JADE1: variants seen among roughly 807,000 people sequenced by gnomAD.
JADE1 encodes protein Jade-1.
JADE1 carries 14 observed loss-of-function variants against 81.8 expected under a neutral mutation model. That is an observed-to-expected ratio of 0.17 (90% CI 0.11 to 0.27). The LOEUF (loss-of-function observed/expected upper bound fraction) is 0.27. Ranked by LOEUF, JADE1 falls within the 10% of genes least tolerant of loss-of-function variation. The pLI, the probability that JADE1 is intolerant of heterozygous loss-of-function variation, is 1.00. For synonymous variants in JADE1, 353 were observed against 391.9 expected (o/e 0.90, Z 1.17); for missense variants, 690 against 1,047.9 (o/e 0.66, Z 4.71).
chr4:128,811,092 G>T (rs929301164), intron 1 of JADE1, among the ~76,000 whole-genome samples: 1 of 152,180 alleles, frequency 6.6e-6, no homozygotes, highest in African/African-American at 2.4e-5. Flanking sequence ...GCTGTTGTTC[G>T]GTAGCCAGCA....
intron 8 of JADE1, among the ~76,000 whole-genome samples, chr4:128,859,450 CGT>C (rs1491442042): frequency 9.9e-5 from 15 of 151,310 alleles, no homozygotes; most frequent in African/African-American, 1.9e-4. Flanking sequence ...TGTGTATGCG[CGT>C]GAGTGCGTGA....
intron 9 of JADE1, chr4:128,863,804 G>C: frequency 5.1e-6 from 5 of 985,516 alleles, no homozygotes; most frequent in Non-Finnish European, 6.0e-6. Context: ...CCCGACACCT[G>C]CTGTAATTGG....
intron 1 of JADE1, among the ~76,000 whole-genome samples, chr4:128,830,520 C>T (rs1728461700): frequency 1.3e-5 from 2 of 152,192 alleles, no homozygotes. Context: ...AGGGGTGAGC[C>T]ACCATGCCCA....
At chr4:128,812,303 A>T (rs1726511437) in intron 1 of JADE1, among the ~76,000 whole-genome samples, 1 of 150,510 alleles carries the variant, frequency 6.6e-6, no homozygotes, top group Admixed American at 6.6e-5. Context: ...CCTCGGGAGG[A>T]GGAGGAGGAG....
At chr4:128,862,953 G>A in intron 9 of JADE1, 1 of 986,352 alleles carries the variant, frequency 1.0e-6, no homozygotes, top group Non-Finnish European at 1.2e-6. Flanking sequence ...TTGTGTGTCT[G>A]TGTGCGGGTA....
chr4:128,810,329 G>A (rs1344536506), intron 1 of JADE1: 1 of 151,886 alleles, frequency 6.6e-6, no homozygotes, highest in Non-Finnish European at 1.5e-5. Flanking sequence ...AAATTTGGGG[G>A]GCTGAAGACT....
Position 128,826,765 on chromosome 4 carries a change from T to C in JADE1, c.-26-4968T>C, listed in dbSNP as rs567694444. Reference sequence around the variant, plus strand: ...GTTCTCCAGAAATTACTGTAATCTTTAGAGACACACACATGAAACATTTAA... The same window carrying C: ...GTTCTCCAGAAATTACTGTAATCTTCAGAGACACACACATGAAACATTTAA... On this transcript the variant is annotated intron_variant, in intron 1 of 10. Transcript: ENST00000226319. 3.9e-5 allele frequency among the ~76,000 whole-genome samples: 6 copies of C among 152,330 alleles called. No individual in the cohort carries two copies. In the East Asian group the frequency reaches 5.8e-4, roughly 15 times the overall value.
chr4:128,840,652 C>A (rs957908521), intron 2 of JADE1, among the ~76,000 whole-genome samples: 3 of 152,188 alleles, frequency 2.0e-5, no homozygotes, highest in African/African-American at 7.2e-5. Flanking sequence ...ACCTTCATCT[C>A]CAGGTTCCTA....
Position 128,831,395 on chromosome 4 carries a change from T to C in JADE1, c.-26-338T>C, listed in dbSNP as rs1728537288. 3 of 299,378 alleles carry C rather than the reference T, an allele frequency of 1.0e-5. 1 individual carries two copies. The highest frequency in any genetic ancestry group is 6.9e-5 in the South Asian group (2 of 28,972). The allele number at this position is 299,378 out of a possible 1,614,324, so 18.5% of individuals were successfully genotyped here. ...TGAGGAAGCACAGTACAGTGTTCATTGCTGTGGATTTTTTTCTGCAGTGCT... is the reference window on the plus strand; with the variant it reads ...TGAGGAAGCACAGTACAGTGTTCATCGCTGTGGATTTTTTTCTGCAGTGCT... On this transcript the variant is annotated intron_variant, in intron 1 of 10. Transcript: ENST00000226319.
intron 2 of JADE1, 80 bp from the exon 3 acceptor site, chr4:128,842,873 T>C: frequency 8.0e-7 from 1 of 1,246,418 alleles, no homozygotes; most frequent in Non-Finnish European, 1.2e-6. Context: ...CTGGGATGAG[T>C]TTGGGTAAGA....
At chr4:128,844,014 C>T (rs1233754529) in intron 3 of JADE1, among the ~76,000 whole-genome samples, 1 of 152,164 alleles carries the variant, frequency 6.6e-6, no homozygotes, top group Non-Finnish European at 1.5e-5. Flanking sequence ...GGAAGGTAGC[C>T]ACTTCTTCCC....
chr4:128,867,164 A>T (rs1185592009), intron 9 of JADE1, among the ~76,000 whole-genome samples: 3 of 152,182 alleles, frequency 2.0e-5, no homozygotes, highest in Non-Finnish European at 2.9e-5. Flanking sequence ...AGAGAACTGG[A>T]CTGGAGATGT....
chr4:128,855,857 C>T lies in JADE1; in HGVS notation c.864+60C>T, dbSNP rs573367393. 57 of 1,464,234 alleles carry T rather than the reference C, an allele frequency of 3.9e-5. No individual in the cohort carries two copies. In the East Asian group the frequency reaches 5.5e-4, roughly 14 times the overall value. The allele number at this position is 1,464,234 out of a possible 1,614,324, so 90.7% of individuals were successfully genotyped here. On this transcript the variant is annotated intron_variant, in intron 7 of 10. Transcript: ENST00000226319. ...TTTTTAAGACAGAGTTTAACTCTGT[C>T]GCCCAGGCTGGAGTGCAGTGAGCTG...
chr4:128,813,092 A>T (rs1042702679), intron 1 of JADE1, among the ~76,000 whole-genome samples: 1 of 152,246 alleles, frequency 6.6e-6, no homozygotes, highest in Non-Finnish European at 1.5e-5. Context: ...ATAGAGGGAA[A>T]TTATTTCCCT....
At chr4:128,830,078 G>A (rs558012885) in intron 1 of JADE1, among the ~76,000 whole-genome samples, 9 of 150,556 alleles carry the variant, frequency 6.0e-5, no homozygotes, top group Admixed American at 4.0e-4. Context: ...GGGTTTCACC[G>A]TGTTGGTCAG....
chr4:128,857,187 CT>C, intron 7 of JADE1, 150 bp from the exon 8 acceptor site: 1 of 676,138 alleles, frequency 1.5e-6, no homozygotes, highest in Non-Finnish European at 2.7e-6. Flanking sequence ...TGTTCTGAGG[CT>C]TTTAAAGTAA....
intron 1 of JADE1, among the ~76,000 whole-genome samples, chr4:128,819,233 T>A (rs1181259475): frequency 6.6e-6 from 1 of 150,896 alleles, no homozygotes; most frequent in Non-Finnish European, 1.5e-5. Flanking sequence ...GGCTGTGGGT[T>A]GTTTTTGTTT....
chr4:128,855,891 C>A, intron 7 of JADE1, 94 bp downstream of exon 7: 1 of 1,127,262 alleles, frequency 8.9e-7, no homozygotes, highest in Non-Finnish European at 1.2e-6. Context: ...TGGATCATGG[C>A]TCACTGCAGC....
intron 4 of JADE1, among the ~76,000 whole-genome samples, chr4:128,848,507 C>T (rs1016499824): frequency 6.6e-6 from 1 of 152,140 alleles, no homozygotes; most frequent in Admixed American, 6.5e-5. Flanking sequence ...TTCCCTCTCT[C>T]CCTCTTTTTT....
Sources: gnomAD v4.1 joint callset for allele counts (sites outside exome capture counted in the v4.1 genomes callset) on GRCh38, gnomAD v4.1.1 for gene constraint, MANE v1.5 for transcripts, NCBI Gene and HGNC (gene_info 2026-07-23, HGNC 2026-07-21) for gene names.